ADRA1D: variants seen among roughly 807,000 people sequenced by gnomAD.
ADRA1D encodes the protein adrenoceptor alpha 1D.
Under a neutral mutation model 18.6 loss-of-function variants are expected in ADRA1D, and 22 were observed. That is an observed-to-expected ratio of 1.19 (90% confidence interval 0.85 to 1.69). The LOEUF (loss-of-function observed/expected upper bound fraction) is 1.69. Among genes scored for constraint, ADRA1D ranks in the 40% most tolerant of loss-of-function variants. ADRA1D has a pLI of 0.00. For missense variants in ADRA1D, 840 were observed against 840.7 expected (o/e 1.00, Z 0.01); for synonymous variants, 376 against 388.2 (o/e 0.97, Z 0.37).
intron 1 of ADRA1D, among the ~76,000 whole-genome samples, chr20:4,224,365 C>A (rs1363768719): frequency 6.6e-6 from 1 of 152,074 alleles, no homozygotes; most frequent in African/African-American, 2.4e-5. Flanking sequence ...AGGATCTGAG[C>A]TGTGCCAGGA....
chr20:4,230,420 C>A (rs1035140971), intron 1 of ADRA1D, among the ~76,000 whole-genome samples: 4 of 152,262 alleles, frequency 2.6e-5, no homozygotes, highest in African/African-American at 9.6e-5. Flanking sequence ...CAACTGGTCA[C>A]CACGTCCTGT....
intron 1 of ADRA1D, among the ~76,000 whole-genome samples, chr20:4,245,894 T>A (rs746470082): frequency 7.2e-5 from 11 of 152,182 alleles, no homozygotes; most frequent in African/African-American, 1.2e-4. Context: ...GCTTGCCCCA[T>A]CCCTGCAACA....
chr20:4,225,177 T>G (rs1433282101), intron 1 of ADRA1D, among the ~76,000 whole-genome samples: 1 of 151,502 alleles, frequency 6.6e-6, no homozygotes, highest in Non-Finnish European at 1.5e-5. Flanking sequence ...AATTTTTGTA[T>G]TTTTAGTAGA....
At chr20:4,231,064 T>TTCTTTCTTTCTTTCTCTCTC (rs1491147056) in intron 1 of ADRA1D, among the ~76,000 whole-genome samples, 10 of 97,916 alleles carry the variant, frequency 1.0e-4, no homozygotes, top group Admixed American at 3.3e-4. Flanking sequence ...CTTTCTTTCT[T>TTCTTTCTTTCTTTCTCTCTC]TCTCTCTCTC....
intron 1 of ADRA1D, among the ~76,000 whole-genome samples, chr20:4,243,847 G>T (rs905755380): frequency 1.3e-5 from 2 of 152,194 alleles, no homozygotes; most frequent in African/African-American, 2.4e-5. Context: ...TGCCTGCCTT[G>T]GGGACATGCT....
intron 1 of ADRA1D, among the ~76,000 whole-genome samples, chr20:4,229,425 TGG>T (rs1980902757): frequency 2.0e-5 from 3 of 151,436 alleles, no homozygotes; most frequent in Non-Finnish European, 4.4e-5. Context: ...GGAAGGAAGA[TGG>T]GGGCGAGTGT....
chr20:4,244,981 AC>A lies in ADRA1D; in HGVS notation c.1111+2865del, dbSNP rs1324052426. 2.0e-5 allele frequency among the ~76,000 whole-genome samples: 3 copies of A among 151,824 alleles called. No individual in the cohort carries two copies. In the East Asian group the frequency reaches 5.8e-4, roughly 29 times the overall value. On this transcript the variant is annotated intron_variant, in intron 1 of 1. Transcript: ENST00000379453. ...GGAAGGAGGATTTAGGGCCTCCTCC[AC>A]CCCCCAATTCCCTACACCACATGTG... is the stretch of plus-strand genomic sequence containing the variant.
intron 1 of ADRA1D, among the ~76,000 whole-genome samples, chr20:4,243,214 C>T (rs568813663): frequency 7.9e-5 from 12 of 152,294 alleles, no homozygotes; most frequent in Admixed American, 7.2e-4. Flanking sequence ...ACTTTTCCAA[C>T]CTACCCAACT....
chr20:4,226,259 G>C (rs1391166695), intron 1 of ADRA1D, among the ~76,000 whole-genome samples: 1 of 152,248 alleles, frequency 6.6e-6, no homozygotes, highest in Non-Finnish European at 1.5e-5. Context: ...ACACGAGAAG[G>C]AGCTGTAATA....
Position 4,222,075 on chromosome 20 carries a change from C to T in ADRA1D, c.1167G>A (p.Trp389Ter). 2 of 1,612,924 alleles carry T rather than the reference C, an allele frequency of 1.2e-6. No homozygotes were observed. Among genetic ancestry groups the T allele is most frequent in the Non-Finnish European group, 1.7e-6 (2 of 1,179,554 alleles). Residue 389 changes from tryptophan to a stop codon, truncating the protein, a stop_gained, in exon 2 of 2, where the codon TGG becomes TGA. Coordinates refer to ENST00000379453, the MANE Select transcript of ADRA1D (RefSeq NM_000678.4). LOFTEE classifies it low-confidence loss of function (END_TRUNC). The surrounding 1 kb of genome is among the most constrained non-coding windows in gnomAD (Gnocchi z 4.3). ...TCACGCAGCTGTTGAAGTAGCCGAGCCAGAAGATGACCTTGAAGACGCCCT... is the reference window on the plus strand; with the variant it reads ...TCACGCAGCTGTTGAAGTAGCCGAGTCAGAAGATGACCTTGAAGACGCCCT... ...PSEGVFKVIF[W>*]LGYFNSCVNP...
At chr20:4,225,877 G>C (rs1244610399) in intron 1 of ADRA1D, among the ~76,000 whole-genome samples, 1 of 152,204 alleles carries the variant, frequency 6.6e-6, no homozygotes, top group Non-Finnish European at 1.5e-5. Context: ...ATGTGTGAAA[G>C]AGATTATTTT....
intron 1 of ADRA1D, among the ~76,000 whole-genome samples, chr20:4,232,161 G>A (rs1291768714): frequency 2.6e-5 from 4 of 152,160 alleles, no homozygotes; most frequent in Non-Finnish European, 5.9e-5. Flanking sequence ...TGATCCACCC[G>A]CCTCGGCTTC....
At chr20:4,223,142 T>C (rs987569370) in intron 1 of ADRA1D, among the ~76,000 whole-genome samples, 1 of 151,172 alleles carries the variant, frequency 6.6e-6, no homozygotes, top group Non-Finnish European at 1.5e-5. Context: ...TTGATAAAGG[T>C]ACAAAGATAA....
At chr20:4,242,813 C>T (rs1981246409) in intron 1 of ADRA1D, among the ~76,000 whole-genome samples, 1 of 152,050 alleles carries the variant, frequency 6.6e-6, no homozygotes, top group African/African-American at 2.4e-5. Context: ...GGATCGAAAG[C>T]CTGGGAGCTG....
chr20:4,227,680 TTCCCTCTCTCCCTCCCTCCCTCCC>T (rs1394351739), intron 1 of ADRA1D, among the ~76,000 whole-genome samples: 12 of 94,676 alleles, frequency 1.3e-4, no homozygotes, highest in Non-Finnish European at 1.4e-4. Flanking sequence ...CCTTCCTTCC[TTCCCTCTCTCCCTCCCTCCCTCCC>T]TCCTTCCTTC....
rs768768701 is a variant in ADRA1D, at chr20:4,248,763, G to A, written c.195C>T (p.Asn65=). Reference sequence around the variant, plus strand: ...TCCCCGGCTCCCCCGCGGAGCTCCGGTTGTCCTCGCCGCTGCCTGCGCCCA... The same window carrying A: ...TCCCCGGCTCCCCCGCGGAGCTCCGATTGTCCTCGCCGCTGCCTGCGCCCA... ...GVVGAGSGED[N]RSSAGEPGSA... The change falls in exon 1 of 2, where the codon AAC becomes AAT. Residue 65 remains asparagine (N), a synonymous_variant. Transcript: ENST00000379453. The A allele has an allele frequency of 2.1e-6, 3 of 1,450,810 alleles. No individual in the cohort carries two copies. The highest frequency in any genetic ancestry group is 1.4e-5 in the South Asian group (1 of 69,522). 89.9% of individuals were successfully genotyped at this position (1,450,810 alleles called of 1,614,324 possible). A position where few individuals can be genotyped will look rare whatever the true frequency, so the allele number is the denominator to read the frequency against.
chr20:4,243,169 T>G (rs2122676161), intron 1 of ADRA1D, among the ~76,000 whole-genome samples: 1 of 152,248 alleles, frequency 6.6e-6, no homozygotes, highest in African/African-American at 2.4e-5. Context: ...GCACGAAGCT[T>G]CTCAGCGCAG....
At position 4,221,546 on chromosome 20, in the gene ADRA1D, T is replaced by G. The variant is rs769032061; in HGVS notation, c.1696A>C (p.Asn566His). Residue 566 changes from asparagine to histidine, a missense_variant, in exon 2 of 2, where the codon AAC (asparagine) becomes CAC (histidine). By Grantham distance (68) the Asn-to-His change is moderately conservative (BLOSUM62 1). Coordinates refer to ENST00000379453, the MANE Select transcript of ADRA1D (RefSeq NM_000678.4). Reference protein sequence around the residue: ...CQAYELADYSNLRETDI With the variant: ...CQAYELADYSHLRETDI ...CCTTAAATATCGGTCTCCCGTAGGTTGCTGTAGTCGGCCAATTCGTAGGCC... is the reference window on the plus strand; with the variant it reads ...CCTTAAATATCGGTCTCCCGTAGGTGGCTGTAGTCGGCCAATTCGTAGGCC... The G allele has an allele frequency of 6.2e-7, 1 of 1,611,416 alleles. No homozygotes were observed. Among genetic ancestry groups the G allele is most frequent in the Non-Finnish European group, 8.5e-7 (1 of 1,178,122 alleles).
At chr20:4,230,039 C>A (rs6052444) in intron 1 of ADRA1D, among the ~76,000 whole-genome samples, 35,369 of 151,970 alleles carry the variant, frequency 0.23, 4,315 homozygotes, top group East Asian at 0.31. Context: ...CCCACCTTGG[C>A]CCTTTGCACT....
Sources: gnomAD v4.1 joint callset for allele counts (sites outside exome capture counted in the v4.1 genomes callset) on GRCh38, gnomAD v4.1.1 for gene constraint, Gnocchi (gnomAD v3.1) non-coding constraint, MANE v1.5 for transcripts, NCBI Gene and HGNC (gene_info 2026-07-23, HGNC 2026-07-21) for gene names.